The following ADGRA1 variants were observed in gnomAD, a reference collection of about 807,000 sequenced individuals.
The protein encoded by ADGRA1 is adhesion G protein-coupled receptor A1, also known as G-protein coupled receptor 123.
Under a neutral mutation model 21.3 loss-of-function variants are expected in ADGRA1, and 12 were observed. The observed-to-expected ratio is 0.56, with a 90% CI of 0.36 to 0.91. ADGRA1 has a LOEUF of 0.91. Ranked by LOEUF, ADGRA1 falls within the 40% of genes least tolerant of loss-of-function variation. The pLI is 0.01. For synonymous variants in ADGRA1, 385 were observed against 368.8 expected (o/e 1.04, Z -0.50); for missense variants, 790 against 805.6 (o/e 0.98, Z 0.23).
chr10:133,101,893 C>A (rs905459925), intron 4 of ADGRA1, among the ~76,000 whole-genome samples: 1 of 152,200 alleles, frequency 6.6e-6, no homozygotes, highest in African/African-American at 2.4e-5. Context: ...CCACAATATT[C>A]TCATCAATTA....
Position 133,111,301 on chromosome 10 carries a change from C to T in ADGRA1, c.401+8459C>T, listed in dbSNP as rs1432954355. 9.8e-5 allele frequency among the ~76,000 whole-genome samples: 2 copies of T among 20,438 alleles called. 1 individual carries two copies. Among genetic ancestry groups the T allele is most frequent in the East Asian group, 2.6e-3 (2 of 772 alleles). The allele number at this position is 20,438 out of a possible 152,430, so 13.4% of individuals were successfully genotyped here. On this transcript the variant is annotated intron_variant, in intron 5 of 6. Transcript: ENST00000392607. ...AATCCCACCAGACAACCTGCCCCCC[C>T]GGGAACCATCCCTCCTAATCCCACC...
Position 133,128,948 on chromosome 10 carries a change from G to A in ADGRA1, c.1120G>A (p.Ala374Thr), listed in dbSNP as rs896758150. 15 of 1,556,626 alleles carry A rather than the reference G, an allele frequency of 9.6e-6. No individual in the cohort carries two copies. The highest frequency in any genetic ancestry group is 7.0e-5 in the East Asian group (3 of 42,766). ...CAACCTGCAGGCCGCGCAGGGCCAC[G>A]CCAGTTGCCTGTCACCGGCCACCCC... ...MTNLQAAQGH[A>T]SCLSPATPCC... Residue 374 changes from alanine (A) to threonine (T), a missense_variant, in exon 7 of 7, where the codon GCC becomes ACC. Coordinates refer to ENST00000392607, the MANE Select transcript of ADGRA1 (RefSeq NM_001083909.3).
At chr10:133,102,906 G>C in intron 5 of ADGRA1, 64 bp downstream of exon 5, 1 of 1,536,168 alleles carries the variant, frequency 6.5e-7, no homozygotes, top group Non-Finnish European at 8.9e-7. Context: ...TGCACCTTCT[G>C]GGTCTTGGCA....
intron 5 of ADGRA1, among the ~76,000 whole-genome samples, chr10:133,121,798 T>A (rs1018902740): frequency 6.8e-6 from 1 of 146,826 alleles, no homozygotes; most frequent in Non-Finnish European, 1.5e-5. Flanking sequence ...TGCCAGTGTG[T>A]GTGTGAGTGT....
At chr10:133,094,440 A>G (rs943557699) in intron 2 of ADGRA1, among the ~76,000 whole-genome samples, 1 of 152,320 alleles carries the variant, frequency 6.6e-6, no homozygotes, top group Admixed American at 6.5e-5. Context: ...CTCCGCCCAC[A>G]GTGGCACCGC....
chr10:133,098,889 A>G, intron 4 of ADGRA1, 126 bp downstream of exon 4: 5 of 1,309,784 alleles, frequency 3.8e-6, no homozygotes, highest in Non-Finnish European at 5.2e-6. Context: ...ACCCTGGCAC[A>G]TCGGTGTCTC....
chr10:133,089,020 T>G (rs187501757), intron 2 of ADGRA1, 108 bp downstream of exon 2: 86 of 1,233,794 alleles, frequency 7.0e-5, no homozygotes, highest in Non-Finnish European at 8.5e-5. Flanking sequence ...AATGGCGAGC[T>G]GGTGACCGGG....
At chr10:133,119,472 G>C (rs1176194480) in intron 5 of ADGRA1, among the ~76,000 whole-genome samples, 1 of 152,198 alleles carries the variant, frequency 6.6e-6, no homozygotes. Flanking sequence ...GTAGCACGTG[G>C]TGCTGTTTGG....
At chr10:133,117,064 C>A (rs1388960073) in intron 5 of ADGRA1, among the ~76,000 whole-genome samples, 1 of 152,158 alleles carries the variant, frequency 6.6e-6, no homozygotes, top group Non-Finnish European at 1.5e-5. Flanking sequence ...GTCCCAGGTG[C>A]TCTCATGGAG....
chr10:133,088,158 C>G lies in ADGRA1; in HGVS notation c.-203+20C>G. 3.1e-6 allele frequency: 3 copies of G among 966,538 alleles called. No individual in the cohort carries two copies. The highest frequency in any genetic ancestry group is 3.7e-6 in the Non-Finnish European group (3 of 812,864). The allele number at this position is 966,538 out of a possible 1,614,324, so 59.9% of individuals were successfully genotyped here. Reference sequence around the variant, plus strand: ...CAGCAGGTGGGAAGGACGCGCGGGTCTGGGCGGCGGGAGGGACGCGCGGGG... The same window carrying G: ...CAGCAGGTGGGAAGGACGCGCGGGTGTGGGCGGCGGGAGGGACGCGCGGGG... On this transcript the variant is annotated intron_variant, in intron 1 of 6. Transcript: ENST00000392607.
intron 5 of ADGRA1, 40 bp downstream of exon 5, chr10:133,102,882 C>T (rs369466359): frequency 3.0e-5 from 47 of 1,583,798 alleles, no homozygotes; most frequent in Non-Finnish European, 3.6e-5. Context: ...GCCACCTGGG[C>T]CCTGGACGCT....
intron 5 of ADGRA1, among the ~76,000 whole-genome samples, chr10:133,121,732 TGTG>T (rs1325156443): frequency 7.0e-6 from 1 of 143,002 alleles, no homozygotes; most frequent in Non-Finnish European, 1.5e-5. Context: ...TGAGTGTGCT[TGTG>T]TGTGTGGTGT....
At chr10:133,119,259 GC>G (rs1426053761) in intron 5 of ADGRA1, among the ~76,000 whole-genome samples, 327 of 13,012 alleles carry the variant, frequency 0.025, 1 homozygote, top group Middle Eastern at 0.062. Flanking sequence ...GTCCTTTATT[GC>G]CAAAAAAAAA....
At chr10:133,093,517 T>C (rs1399481352) in intron 2 of ADGRA1, among the ~76,000 whole-genome samples, 1 of 152,182 alleles carries the variant, frequency 6.6e-6, no homozygotes, top group Non-Finnish European at 1.5e-5. Context: ...GGCCGGCAGA[T>C]GGGAGATGGA....
Position 133,098,506 on chromosome 10 carries a change from C to T in ADGRA1, c.132-134C>T, listed in dbSNP as rs1564844103. 1.7e-5 allele frequency: 18 copies of T among 1,077,670 alleles called. No homozygotes were observed. In the East Asian group the frequency reaches 4.7e-4, roughly 28 times the overall value. The allele number at this position is 1,077,670 out of a possible 1,614,324, so 66.8% of individuals were successfully genotyped here. ...CCATCTGCTCTCCCCTGACCGGGTC[C>T]TCGGACAGCTGCCCCTGACCCCACG... On this transcript the variant is annotated intron_variant, in intron 3 of 6. Coordinates refer to ENST00000392607, the MANE Select transcript of ADGRA1 (RefSeq NM_001083909.3).
intron 5 of ADGRA1, among the ~76,000 whole-genome samples, chr10:133,113,314 T>A (rs373984173): frequency 1.3e-5 from 2 of 152,300 alleles, no homozygotes; most frequent in African/African-American, 2.4e-5. Context: ...ACCGCGGCAC[T>A]TAGATTCCGT....
chr10:133,095,509 T>C, intron 2 of ADGRA1: 1 of 884,812 alleles, frequency 1.1e-6, no homozygotes, highest in Non-Finnish European at 1.6e-6. Context: ...CTCTCCCAGG[T>C]GCCTTCGCCC....
chr10:133,129,014 G>C lies in ADGRA1; in HGVS notation c.1186G>C (p.Glu396Gln). Residue 396 changes from glutamate to glutamine, a missense_variant, in exon 7 of 7, where the codon GAG becomes CAG. This residue lies in a region of ADGRA1 where 391 missense variants were observed against 351.5 expected (regional missense o/e 1.11). Coordinates refer to ENST00000392607, the MANE Select transcript of ADGRA1 (RefSeq NM_001083909.3). ...KMHCEPLTAD[E>Q]AHVHLQEEGA... is the part of the protein sequence containing the mutation. ...GCACTGCGAGCCACTGACGGCGGACGAGGCGCACGTGCACCTGCAGGAGGA... is the reference window on the plus strand; with the variant it reads ...GCACTGCGAGCCACTGACGGCGGACCAGGCGCACGTGCACCTGCAGGAGGA... 6.4e-7 allele frequency: 1 copy of C among 1,567,056 alleles called. No individual in the cohort carries two copies. The highest frequency in any genetic ancestry group is 1.2e-5 in the South Asian group (1 of 85,806).
chr10:133,113,329 C>T (rs548839698), intron 5 of ADGRA1, among the ~76,000 whole-genome samples: 12 of 152,188 alleles, frequency 7.9e-5, no homozygotes, highest in South Asian at 2.1e-4. Flanking sequence ...TTCCGTGTCA[C>T]GGCCCGGCTT....
Sources: gnomAD v4.1 joint callset for allele counts (sites outside exome capture counted in the v4.1 genomes callset) on GRCh38, gnomAD v4.1.1 for gene constraint, gnomAD v4.1.1 regional missense constraint, MANE v1.5 for transcripts, NCBI Gene and HGNC (gene_info 2026-07-23, HGNC 2026-07-21) for gene names.